SLC6A3: variants seen among roughly 807,000 people sequenced by gnomAD.
SLC6A3 encodes the protein sodium-dependent dopamine transporter.
In SLC6A3, 19 loss-of-function variants were observed where a neutral mutation model predicts 70.4. That is an observed-to-expected ratio of 0.27 (90% CI 0.19 to 0.40). The LOEUF is 0.40. Ranked by LOEUF, SLC6A3 falls within the 10% of genes least tolerant of loss-of-function variation. The probability of loss-of-function intolerance (pLI) is 1.00; values close to 1 mark genes in which losing one functional copy is unlikely to be tolerated. For missense variants in SLC6A3, 613 were observed against 838.5 expected (o/e 0.73, Z 3.32); for synonymous variants, 368 against 356.6 (o/e 1.03, Z -0.36).
In SLC6A3 at chr5:1,401,143, G is replaced by A. The variant is rs1467458660; in HGVS notation, c.1768-157C>T. ...ACCCGCTGGCATCCATATCACCAGC[G>A]CCCACCACTGACTTACACTGCCAGT... On this transcript the variant is annotated intron_variant, in intron 13 of 14. Coordinates refer to ENST00000270349, the MANE Select transcript of SLC6A3 (RefSeq NM_001044.5). The surrounding 1 kb of genome is among the most constrained non-coding windows in gnomAD (Gnocchi z 6.1). 7 of 707,928 alleles carry A rather than the reference G, an allele frequency of 9.9e-6. No individual in the cohort carries two copies. The highest frequency in any genetic ancestry group is 3.5e-5 in the African/African-American group (2 of 57,218). 43.9% of individuals were successfully genotyped at this position (707,928 alleles called of 1,614,324 possible).
chr5:1,422,738 C>T (rs1330896510), intron 4 of SLC6A3, among the ~76,000 whole-genome samples: 14 of 76,100 alleles, frequency 1.8e-4, no homozygotes, highest in Admixed American at 2.8e-4. Context: ...GGGTGCCCAC[C>T]GCTGCCCAGT....
intron 11 of SLC6A3, among the ~76,000 whole-genome samples, chr5:1,407,630 C>T (rs1436439510): frequency 2.6e-5 from 4 of 152,198 alleles, no homozygotes; most frequent in Non-Finnish European, 5.9e-5. Context: ...TCGCCAGGGC[C>T]GGCTTCTCCC....
chr5:1,422,362 C>T (rs1756459076), intron 4 of SLC6A3, among the ~76,000 whole-genome samples: 2 of 151,450 alleles, frequency 1.3e-5, no homozygotes, highest in African/African-American at 2.4e-5. Flanking sequence ...TGCTGGGTGC[C>T]CACCACTGCC....
In SLC6A3 at chr5:1,432,645, C is replaced by T. The variant is rs543317006; in HGVS notation, c.472G>A (p.Val158Ile). 9 of 1,614,174 alleles carry T rather than the reference C, an allele frequency of 5.6e-6. No individual in the cohort carries two copies. The highest frequency in any genetic ancestry group is 1.7e-5 in the Admixed American group (1 of 60,026). Residue 158 changes from valine to isoleucine, a missense_variant, in exon 4 of 15, where the codon GTC becomes ATC. Around this residue, in one of 4 missense-constraint regions of SLC6A3, gnomAD observed 153 missense variants for 249.4 expected, o/e 0.61. Transcript: ENST00000270349. ...TAGTGCAGCGCCCAGGCGATGATGA[C>T]GTTGTAGAAGAAGCCGACATACAGT... ...ISLYVGFFYN[V>I]IIAWALHYLF...
chr5:1,409,617 A>G, intron 10 of SLC6A3, 104 bp downstream of exon 10: 2 of 1,362,740 alleles, frequency 1.5e-6, no homozygotes, highest in Non-Finnish European at 1.0e-6. Flanking sequence ...AGCTCCCTGG[A>G]AGTGCTGCGG....
chr5:1,434,064 G>T (rs1319351674), intron 3 of SLC6A3, among the ~76,000 whole-genome samples: 1 of 152,240 alleles, frequency 6.6e-6, no homozygotes, highest in Admixed American at 6.5e-5. Flanking sequence ...GCCATCTGTG[G>T]CCATCTATAG....
At chr5:1,432,421 C>A in intron 4 of SLC6A3, 43 bp downstream of exon 4, 2 of 1,475,430 alleles carry the variant, frequency 1.4e-6, no homozygotes, top group Non-Finnish European at 1.9e-6. Flanking sequence ...GGGGACCTGG[C>A]TGCGCCATCT....
Position 1,406,108 on chromosome 5 carries a change from G to T in SLC6A3, c.1599+80C>A. ...CCAGCCACAGTGACAACCCACATGC[G>T]GGCGCTGGACCTCGGGGCAGGTGCC... On this transcript the variant is annotated intron_variant, in intron 12 of 14. Coordinates refer to ENST00000270349, the MANE Select transcript of SLC6A3 (RefSeq NM_001044.5). The surrounding 1 kb of genome is among the most constrained non-coding windows in gnomAD (Gnocchi z 8.8). 1.0e-6 allele frequency: 1 copy of T among 999,244 alleles called. No homozygotes were observed. The highest frequency in any genetic ancestry group is 1.6e-6 in the Non-Finnish European group (1 of 621,440). The allele number at this position is 999,244 out of a possible 1,614,324, so 61.9% of individuals were successfully genotyped here. A position where few individuals can be genotyped will look rare whatever the true frequency, so the allele number is the denominator to read the frequency against.
chr5:1,433,890 C>G (rs1022185994), intron 3 of SLC6A3, among the ~76,000 whole-genome samples: 6 of 152,154 alleles, frequency 3.9e-5, no homozygotes, highest in Admixed American at 3.9e-4. Flanking sequence ...CCCACATCCA[C>G]CCGGCCATCC....
chr5:1,430,192 A>T (rs1306282643), intron 4 of SLC6A3, among the ~76,000 whole-genome samples: 1 of 150,044 alleles, frequency 6.7e-6, no homozygotes, highest in Non-Finnish European at 1.5e-5. Context: ...CCCAGCCTGG[A>T]CTCTCTCTCC....
rs887935217 is a variant in SLC6A3, at chr5:1,408,341, C to A, written c.1498+685G>T. ...ACAGGCGTGAGTCACCGCGCCCGGA[C>A]CACACATTCATGGCGAGATGCCCTG... On this transcript the variant is annotated intron_variant, in intron 11 of 14. Transcript: ENST00000270349. The surrounding 1 kb of genome is among the most constrained non-coding windows in gnomAD (Gnocchi z 6.4). Among the ~76,000 whole-genome samples, 3 of 152,084 alleles carry A rather than the reference C, an allele frequency of 2.0e-5. No individual in the cohort carries two copies. The highest frequency in any genetic ancestry group is 1.9e-4 in the East Asian group (1 of 5,188).
chr5:1,414,278 A>T (rs1245300041), intron 8 of SLC6A3, among the ~76,000 whole-genome samples: 1 of 150,430 alleles, frequency 6.6e-6, no homozygotes, highest in African/African-American at 2.4e-5. Flanking sequence ...CTCATGTGGC[A>T]TCTGCAGGGA....
chr5:1,401,227 A>G lies in SLC6A3; in HGVS notation c.1768-241T>C. 1 of 690,210 alleles carries G rather than the reference A, an allele frequency of 1.4e-6. No homozygotes were observed. Among genetic ancestry groups the G allele is most frequent in the Non-Finnish European group, 2.7e-6 (1 of 377,164 alleles). 42.8% of individuals were successfully genotyped at this position (690,210 alleles called of 1,614,324 possible). The stretch of plus-strand genomic sequence containing the variant: ...AGCCAACATCCTGACGGTCCCCTTA[A>G]AGTCTAGCGCAGAGCAGAACATCAG... On this transcript the variant is annotated intron_variant, in intron 13 of 14. Transcript: ENST00000270349. The surrounding 1 kb of genome is among the most constrained non-coding windows in gnomAD (Gnocchi z 6.1).
rs1221363086 is a variant in SLC6A3 at position 1,394,638 on chromosome 5, A to G, written c.*97T>C. ...GTTTTCAGTAGAGGTTGAAGAGTAGAAGTTGCCCTCCTTTCTCTCGAAACT... is the reference window on the plus strand; with the variant it reads ...GTTTTCAGTAGAGGTTGAAGAGTAGGAGTTGCCCTCCTTTCTCTCGAAACT... On this transcript the variant is annotated 3_prime_UTR_variant, in exon 15 of 15. Transcript: ENST00000270349. The surrounding 1 kb of genome is among the most constrained non-coding windows in gnomAD (Gnocchi z 4.7). The G allele has an allele frequency of 1.7e-6, 2 of 1,152,034 alleles. No homozygotes were observed. Among genetic ancestry groups the G allele is most frequent in the Non-Finnish European group, 2.6e-6 (2 of 758,850 alleles). 71.4% of individuals were successfully genotyped at this position (1,152,034 alleles called of 1,614,324 possible).
chr5:1,417,078 A>AC (rs2126360211), intron 6 of SLC6A3, among the ~76,000 whole-genome samples: 1 of 149,250 alleles, frequency 6.7e-6, no homozygotes, highest in African/African-American at 2.5e-5. Context: ...CAGCTTCACA[A>AC]CCCCCTGAGT....
chr5:1,414,895 C>T, intron 7 of SLC6A3, 80 bp from the exon 8 acceptor site: 1 of 1,586,954 alleles, frequency 6.3e-7, no homozygotes, highest in Non-Finnish European at 8.6e-7. Flanking sequence ...TCTTAATTTA[C>T]TGTGTCTGGG....
chr5:1,442,040 C>T lies in SLC6A3; in HGVS notation c.287-550G>A, dbSNP rs1183253063. Among the ~76,000 whole-genome samples the T allele has an allele frequency of 6.6e-6, 1 of 152,160 alleles. No individual in the cohort carries two copies. The highest frequency in any genetic ancestry group is 1.5e-5 in the Non-Finnish European group (1 of 68,032). ...GGCCTAGTTCCTCTGAAACCTGCACCTCCCCCACCCCCAGCACAAAGCCCA... is the reference window on the plus strand; with the variant it reads ...GGCCTAGTTCCTCTGAAACCTGCACTTCCCCCACCCCCAGCACAAAGCCCA... On this transcript the variant is annotated intron_variant, in intron 2 of 14. Coordinates refer to ENST00000270349, the MANE Select transcript of SLC6A3 (RefSeq NM_001044.5). This position sits in a 1 kb window ranked among gnomAD's most constrained non-coding sequence, Gnocchi z 5.0.
At chr5:1,426,412 T>C (rs1229867410) in intron 4 of SLC6A3, among the ~76,000 whole-genome samples, 1 of 152,112 alleles carries the variant, frequency 6.6e-6, no homozygotes, top group African/African-American at 2.4e-5. Context: ...TGGTGTCACA[T>C]ACCTGTAGTC....
Position 1,408,934 on chromosome 5 carries a change from A to G in SLC6A3, c.1498+92T>C, listed in dbSNP as rs1756049553. The G allele has an allele frequency of 8.1e-6, 7 of 863,936 alleles. No homozygotes were observed. Among genetic ancestry groups the G allele is most frequent in the African/African-American group, 1.7e-5 (1 of 60,292 alleles). The allele number at this position is 863,936 out of a possible 1,614,324, so 53.5% of individuals were successfully genotyped here. A position where few individuals can be genotyped will look rare whatever the true frequency, so the allele number is the denominator to read the frequency against. ...CACAACCCAGGCTTCCTGCAGCTGAAAGGTGTTTCCTCACGGAGCCTTTTT... is the reference window on the plus strand; with the variant it reads ...CACAACCCAGGCTTCCTGCAGCTGAGAGGTGTTTCCTCACGGAGCCTTTTT... On this transcript the variant is annotated intron_variant, in intron 11 of 14. Coordinates refer to ENST00000270349, the MANE Select transcript of SLC6A3 (RefSeq NM_001044.5). The surrounding 1 kb of genome is among the most constrained non-coding windows in gnomAD (Gnocchi z 6.4).
Sources: gnomAD v4.1 joint callset for allele counts (sites outside exome capture counted in the v4.1 genomes callset) on GRCh38, gnomAD v4.1.1 for gene constraint, gnomAD v4.1.1 regional missense constraint, Gnocchi (gnomAD v3.1) non-coding constraint, MANE v1.5 for transcripts, NCBI Gene and HGNC (gene_info 2026-07-23, HGNC 2026-07-21) for gene names.